SLC12A9: variants seen among roughly 807,000 people sequenced by gnomAD.
SLC12A9 encodes solute carrier family 12 member 9, also known as CCC-interacting protein 1.
Under a neutral mutation model 66.0 loss-of-function variants are expected in SLC12A9, and 55 were observed. The observed-to-expected ratio is 0.83, with a 90% CI of 0.67 to 1.04. The LOEUF (loss-of-function observed/expected upper bound fraction) is 1.04. SLC12A9 is among the 50% of genes least tolerant of loss of function. SLC12A9 has a pLI of 0.00. For synonymous variants in SLC12A9, 577 were observed against 569.0 expected (o/e 1.01, Z -0.20); for missense variants, 1,061 against 1,241.9 (o/e 0.85, Z 2.19).
At chr7:100,827,745 C>G (rs149628113) in intron 1 of SLC12A9, among the ~76,000 whole-genome samples, 1 of 152,156 alleles carries the variant, frequency 6.6e-6, no homozygotes. Context: ...ACCCCGGGAC[C>G]GCCCAGATGT....
chr7:100,837,436 G>C (rs1813683474), intron 1 of SLC12A9: 1 of 152,256 alleles, frequency 6.6e-6, no homozygotes, highest in Non-Finnish European at 1.5e-5. Context: ...GGACGCTCTG[G>C]CGGGCGGCGT....
intron 1 of SLC12A9, among the ~76,000 whole-genome samples, chr7:100,831,519 C>T (rs1484200770): frequency 1.3e-5 from 2 of 152,124 alleles, no homozygotes; most frequent in African/African-American, 2.4e-5. Context: ...ACTGTATTGC[C>T]CAGGCTGGAG....
At chr7:100,828,128 A>C (rs1251090220) in intron 1 of SLC12A9, among the ~76,000 whole-genome samples, 2 of 152,198 alleles carry the variant, frequency 1.3e-5, no homozygotes, top group Non-Finnish European at 2.9e-5. Context: ...GTCACCCCAT[A>C]AACATTCAGT....
At chr7:100,844,271 A>C (rs1016530113) in intron 1 of SLC12A9, among the ~76,000 whole-genome samples, 1 of 152,192 alleles carries the variant, frequency 6.6e-6, no homozygotes, top group Non-Finnish European at 1.5e-5. Flanking sequence ...TATTCTGTAC[A>C]AGGTATGTAG....
intron 1 of SLC12A9, among the ~76,000 whole-genome samples, chr7:100,828,495 G>A (rs1263202148): frequency 6.7e-6 from 1 of 149,398 alleles, no homozygotes; most frequent in Non-Finnish European, 1.5e-5. Flanking sequence ...CAGTGAGCTG[G>A]GAGCTGAGAT....
At chr7:100,858,380 C>G (rs1250818341) in intron 5 of SLC12A9, 1 of 154,400 alleles carries the variant, frequency 6.5e-6, no homozygotes, top group Non-Finnish European at 1.4e-5. Flanking sequence ...CCACTGCACT[C>G]TCGCCTGGGT....
rs929961296 is a variant in SLC12A9 at position 100,856,980 on chromosome 7, C to A, written c.561C>A (p.Gly187=). Residue 187 remains glycine (G), a synonymous_variant, in exon 5 of 14, where the codon GGC becomes GGA. Transcript: ENST00000354161. ...LVGGVCTLGA[G]LYARASFLTF... Reference sequence around the variant, plus strand: ...GTGGGGTCTGCACCCTGGGAGCCGGCCTCTATGCCCGGGCCTCATTCCTCA... The same window carrying A: ...GTGGGGTCTGCACCCTGGGAGCCGGACTCTATGCCCGGGCCTCATTCCTCA... 8.7e-6 allele frequency: 14 copies of A among 1,613,954 alleles called. No individual in the cohort carries two copies. The highest frequency in any genetic ancestry group is 1.2e-5 in the Non-Finnish European group (14 of 1,180,052).
upstream of SLC12A9, among the ~76,000 whole-genome samples, chr7:100,851,864 C>A (rs1390967685): frequency 6.7e-6 from 1 of 148,650 alleles, no homozygotes; most frequent in East Asian, 2.1e-4. Flanking sequence ...ATTGAAATAG[C>A]GGTACCTACC....
At chr7:100,854,873 A>T (rs1814288498) in intron 3 of SLC12A9, 119 bp downstream of exon 3, 4 of 1,430,668 alleles carry the variant, frequency 2.8e-6, no homozygotes, top group African/African-American at 2.8e-5. Flanking sequence ...CATTCTTAAA[A>T]TTTTTTTAGG....
At chr7:100,855,444 T>C (rs1814329332) in intron 3 of SLC12A9, 2 of 397,970 alleles carry the variant, frequency 5.0e-6, no homozygotes, top group South Asian at 2.4e-5. Context: ...TTTTAATAAA[T>C]GTGCAGCAGG....
At chr7:100,849,878 CT>C (rs371466546), upstream of SLC12A9, among the ~76,000 whole-genome samples, 146 of 144,774 alleles carry the variant, frequency 1.0e-3, no homozygotes, top group Non-Finnish European at 1.1e-3. Context: ...CTTCCCTTCC[CT>C]TTTTTTTTTT....
chr7:100,842,872 A>G (rs1397080129), intron 1 of SLC12A9, among the ~76,000 whole-genome samples: 2 of 152,214 alleles, frequency 1.3e-5, no homozygotes, highest in African/African-American at 4.8e-5. Context: ...CTGGAGTAAT[A>G]AGTCATGCCA....
chr7:100,851,653 C>CACG (rs10630227), upstream of SLC12A9, among the ~76,000 whole-genome samples: 1 of 151,464 alleles, frequency 6.6e-6, no homozygotes, highest in African/African-American at 2.4e-5. Flanking sequence ...ATTAGCCAGG[C>CACG]GTGGTGTGTG....
At chr7:100,830,494 C>T (rs757529023) in intron 1 of SLC12A9, among the ~76,000 whole-genome samples, 2 of 151,780 alleles carry the variant, frequency 1.3e-5, no homozygotes, top group Admixed American at 6.6e-5. Context: ...AACAACATAG[C>T]GAGACCCTGT....
chr7:100,832,092 C>CG (rs563918064), intron 1 of SLC12A9, among the ~76,000 whole-genome samples: 128 of 152,234 alleles, frequency 8.4e-4, no homozygotes, highest in African/African-American at 2.9e-3. Context: ...CCAGGCTACT[C>CG]GGGAGGCTGA....
chr7:100,848,518 A>ATAAATAAATAAG (rs1813969652), upstream of SLC12A9, among the ~76,000 whole-genome samples: 1 of 151,166 alleles, frequency 6.6e-6, no homozygotes, highest in Non-Finnish European at 1.5e-5. Context: ...AAATAAATAA[A>ATAAATAAATAAG]TAAATAAATA....
Position 100,866,731 on chromosome 7 carries a change from G to A in SLC12A9, c.*126G>A. The A allele has an allele frequency of 3.0e-6, 3 of 1,012,984 alleles. No individual in the cohort carries two copies. Among genetic ancestry groups the A allele is most frequent in the Non-Finnish European group, 4.1e-6 (3 of 731,520 alleles). 62.7% of individuals were successfully genotyped at this position (1,012,984 alleles called of 1,614,324 possible). ...CCCTTGGGACGTGGAGCCCAGGGGA[G>A]GTTTGAAGGGGATCCTGGGCTTGGG... is the stretch of plus-strand genomic sequence containing the variant. On this transcript the variant is annotated 3_prime_UTR_variant, in exon 14 of 14. Coordinates refer to ENST00000354161, the MANE Select transcript of SLC12A9 (RefSeq NM_020246.4). The surrounding 1 kb of genome is among the most constrained non-coding windows in gnomAD (Gnocchi z 7.3).
chr7:100,863,000 T>G (rs1562996125), intron 13 of SLC12A9, among the ~76,000 whole-genome samples, 173 bp downstream of exon 13: 1 of 151,848 alleles, frequency 6.6e-6, no homozygotes, highest in African/African-American at 2.4e-5. Flanking sequence ...TGATAAGGTC[T>G]AATAGGAGAT....
intron 1 of SLC12A9, among the ~76,000 whole-genome samples, chr7:100,828,599 G>C (rs532583576): frequency 9.0e-4 from 136 of 151,120 alleles, no homozygotes; most frequent in African/African-American, 3.1e-3. Flanking sequence ...GAGAGGGTGA[G>C]GGGTCCGGCT....
Sources: gnomAD v4.1 joint callset for allele counts (sites outside exome capture counted in the v4.1 genomes callset) on GRCh38, gnomAD v4.1.1 for gene constraint, Gnocchi (gnomAD v3.1) non-coding constraint, MANE v1.5 for transcripts, NCBI Gene and HGNC (gene_info 2026-07-23, HGNC 2026-07-21) for gene names.